Variants in ABCC2 observed in about 807,000 individuals in gnomAD.
The protein encoded by ABCC2 is ATP-binding cassette sub-family C member 2.
ABCC2 carries 157 observed loss-of-function variants against 173.4 expected under a neutral mutation model. The ratio of observed to expected loss-of-function variants is 0.91; its 90% CI spans 0.80 to 1.03. The LOEUF is 1.03. Among genes scored for constraint, ABCC2 ranks in the 50% least tolerant of loss-of-function variants. The pLI, the probability that ABCC2 is intolerant of heterozygous loss-of-function variation, is 0.00. For synonymous variants in ABCC2, 657 were observed against 693.5 expected, an observed-to-expected ratio of 0.95 and a Z score of 0.83; for missense variants, 1,822 against 1,852.3, an observed-to-expected ratio of 0.98 and a Z score of 0.30.
At chr10:99,845,835 A>T in intron 29 of ABCC2, 53 bp downstream of exon 29, 3 of 1,550,382 alleles carry the variant, frequency 1.9e-6, no homozygotes, top group Non-Finnish European at 2.6e-6. Flanking sequence ...CTTGTTTTAC[A>T]GGAAACATAT....
intron 17 of ABCC2, among the ~76,000 whole-genome samples, chr10:99,818,079 C>T (rs2038454032): frequency 6.6e-6 from 1 of 151,880 alleles, no homozygotes; most frequent in African/African-American, 2.4e-5. Flanking sequence ...AAAAATTAGC[C>T]GGGTGTGGTA....
chr10:99,790,786 G>A (rs184067120), intron 2 of ABCC2, among the ~76,000 whole-genome samples: 2 of 152,180 alleles, frequency 1.3e-5, no homozygotes, highest in Admixed American at 6.5e-5. Flanking sequence ...CTAAATAATA[G>A]CACTGATCCT....
At chr10:99,850,990 G>T (rs1488394518) in intron 31 of ABCC2, among the ~76,000 whole-genome samples, 194 bp downstream of exon 31, 1 of 152,202 alleles carries the variant, frequency 6.6e-6, no homozygotes, top group East Asian at 1.9e-4. Context: ...AAGGTTAAGG[G>T]AACTATTCAT....
intron 20 of ABCC2, 126 bp downstream of exon 20, chr10:99,830,559 C>A: frequency 1.3e-6 from 2 of 1,569,598 alleles, no homozygotes; most frequent in Admixed American, 1.7e-5. Context: ...TCCTTTGTTT[C>A]TTTGTTGTGG....
intron 24 of ABCC2, 136 bp downstream of exon 24, chr10:99,834,671 T>C (rs1338950987): frequency 9.1e-7 from 1 of 1,104,600 alleles, no homozygotes; most frequent in Non-Finnish European, 1.4e-6. Flanking sequence ...TTTAGTCATA[T>C]GTTGACATAC....
intron 3 of ABCC2, 94 bp from the exon 4 acceptor site, chr10:99,793,457 C>G: frequency 1.3e-6 from 2 of 1,562,936 alleles, no homozygotes; most frequent in Admixed American, 1.7e-5. Context: ...CCTCCCTCAG[C>G]CCTCCTTTCT....
intron 15 of ABCC2, among the ~76,000 whole-genome samples, 195 bp downstream of exon 15, chr10:99,811,797 T>C (rs1313279949): frequency 2.0e-5 from 3 of 152,168 alleles, no homozygotes; most frequent in Non-Finnish European, 4.4e-5. Context: ...GATAACTGCA[T>C]TTGCCATGCT....
chr10:99,832,210 C>T, intron 23 of ABCC2, 79 bp downstream of exon 23: 1 of 1,549,458 alleles, frequency 6.5e-7, no homozygotes, highest in Non-Finnish European at 8.9e-7. Context: ...TTATGTCCCC[C>T]TAGACAACAC....
intron 6 of ABCC2, 92 bp from the exon 7 acceptor site, chr10:99,797,005 C>A: frequency 9.0e-7 from 1 of 1,115,368 alleles, no homozygotes; most frequent in Non-Finnish European, 1.3e-6. Flanking sequence ...GTCCCTCTAT[C>A]CCAGAACCTG....
chr10:99,817,274 C>G, intron 16 of ABCC2, 34 bp from the exon 17 acceptor site: 1 of 1,610,610 alleles, frequency 6.2e-7, no homozygotes, highest in South Asian at 1.1e-5. Context: ...TCTGGAGGTG[C>G]AGCTGTAACA....
intron 3 of ABCC2, among the ~76,000 whole-genome samples, chr10:99,793,174 A>G (rs1271106689): frequency 6.6e-6 from 1 of 152,226 alleles, no homozygotes; most frequent in Non-Finnish European, 1.5e-5. Flanking sequence ...CAAGCTACAG[A>G]CACCTTGCAC....
At chr10:99,790,690 C>T (rs1432412953) in intron 2 of ABCC2, among the ~76,000 whole-genome samples, 1 of 152,130 alleles carries the variant, frequency 6.6e-6, no homozygotes, top group Non-Finnish European at 1.5e-5. Flanking sequence ...ACCTCATAGT[C>T]TCTTGTGAGG....
At chr10:99,828,528 G>A (rs1277267535) in intron 19 of ABCC2, among the ~76,000 whole-genome samples, 1 of 152,184 alleles carries the variant, frequency 6.6e-6, no homozygotes, top group East Asian at 1.9e-4. Flanking sequence ...TCTGTTCAAG[G>A]CCTCTCGCCT....
At chr10:99,786,697 T>C (rs1162482561) in intron 2 of ABCC2, among the ~76,000 whole-genome samples, 1 of 150,600 alleles carries the variant, frequency 6.6e-6, no homozygotes, top group Non-Finnish European at 1.5e-5. Flanking sequence ...TGAAACCCCA[T>C]CTCTACTAAA....
At chr10:99,799,111 A>G (rs2037968049) in intron 7 of ABCC2, 96 bp from the exon 8 acceptor site, 1 of 1,401,032 alleles carries the variant, frequency 7.1e-7, no homozygotes, top group African/African-American at 1.4e-5. Context: ...ACCTGTACAG[A>G]GAAGGCCACG....
At position 99,830,857 on chromosome 10, in the gene ABCC2, C is replaced by T. The variant is rs776315604; in HGVS notation, c.2883+6C>T. On this transcript the variant is annotated splice_donor_region_variant and intron_variant, in intron 21 of 31. Transcript: ENST00000647814. Reference sequence around the variant, plus strand: ...AATTCATAGAAACTGGAAAGGTGAACACCACACAGAAAAGTAGCATTTGAG... The same window carrying T: ...AATTCATAGAAACTGGAAAGGTGAATACCACACAGAAAAGTAGCATTTGAG... 1 of 1,613,756 alleles carries T rather than the reference C, an allele frequency of 6.2e-7. No homozygotes were observed. The highest frequency in any genetic ancestry group is 8.5e-7 in the Non-Finnish European group (1 of 1,179,938).
In ABCC2 at chr10:99,792,144, G is replaced by T. The variant is rs190736822; in HGVS notation, c.208-90G>T. ...TGTGTTATCTGAATCACTGCATACC[G>T]CTTTTCCTATCCATCACCGGAAACC... is the stretch of plus-strand genomic sequence containing the variant. On this transcript the variant is annotated intron_variant, in intron 2 of 31. Transcript: ENST00000647814. 8.5e-6 allele frequency: 13 copies of T among 1,524,388 alleles called. No individual in the cohort carries two copies. In the African/African-American group the frequency reaches 1.5e-4, roughly 18 times the overall value. 94.4% of individuals were successfully genotyped at this position (1,524,388 alleles called of 1,614,324 possible). A position where few individuals can be genotyped will look rare whatever the true frequency, so the allele number is the denominator to read the frequency against.
chr10:99,831,548 T>C, intron 21 of ABCC2, 63 bp from the exon 22 acceptor site: 1 of 1,517,104 alleles, frequency 6.6e-7, no homozygotes, highest in African/African-American at 1.4e-5. Context: ...GTTGGCATTC[T>C]AGGTGATTCC....
At chr10:99,784,550 G>C in intron 1 of ABCC2, 58 bp from the exon 2 acceptor site, 1 of 1,554,766 alleles carries the variant, frequency 6.4e-7, no homozygotes. Flanking sequence ...TGTGCTGCAG[G>C]GTGGTTTTCT....
Sources: gnomAD v4.1 joint callset for allele counts (sites outside exome capture counted in the v4.1 genomes callset) on GRCh38, gnomAD v4.1.1 for gene constraint, MANE v1.5 for transcripts, NCBI Gene and HGNC (gene_info 2026-07-23, HGNC 2026-07-21) for gene names.